Variants in NKAIN3 observed in about 807,000 individuals in gnomAD.
NKAIN3 encodes the protein sodium/potassium transporting ATPase interacting 3.
In NKAIN3, 25 loss-of-function variants were observed where a neutral mutation model predicts 30.2. The observed-to-expected ratio is 0.83, with a 90% CI of 0.60 to 1.16. NKAIN3 has a LOEUF of 1.16. NKAIN3 is among the 50% of genes most tolerant of loss of function. NKAIN3 has a pLI of 0.00. For synonymous variants in NKAIN3, 91 were observed against 89.6 expected (o/e 1.02, Z -0.09); for missense variants, 225 against 254.1 (o/e 0.89, Z 0.78).
intron 4 of NKAIN3, among the ~76,000 whole-genome samples, chr8:62,876,877 C>T (rs1188403545): frequency 8.6e-5 from 13 of 151,868 alleles, no homozygotes; most frequent in South Asian, 2.1e-4. Context: ...TCATGGCACA[C>T]GTATACCTAT....
At chr8:62,793,119 A>G (rs919637534) in intron 4 of NKAIN3, among the ~76,000 whole-genome samples, 2 of 152,000 alleles carry the variant, frequency 1.3e-5, no homozygotes, top group Admixed American at 6.6e-5. Flanking sequence ...AGAAGTGAGT[A>G]TGCCTAACCT....
chr8:62,658,012 A>C (rs1586057802), intron 3 of NKAIN3, among the ~76,000 whole-genome samples: 2 of 152,322 alleles, frequency 1.3e-5, no homozygotes, highest in South Asian at 4.1e-4. Flanking sequence ...TTATCTCAGC[A>C]GTCCATGTGC....
At chr8:62,760,779 A>T (rs10096340) in intron 4 of NKAIN3, among the ~76,000 whole-genome samples, 1,910 of 151,866 alleles carry the variant, frequency 0.013, 41 homozygotes, top group African/African-American at 0.044. Flanking sequence ...AGTATAATTT[A>T]AAAAAAGGCA....
At chr8:62,318,311 G>A (rs149817659) in intron 1 of NKAIN3, among the ~76,000 whole-genome samples, 10 of 150,954 alleles carry the variant, frequency 6.6e-5, no homozygotes, top group African/African-American at 1.9e-4. Flanking sequence ...CGTCCAGCAC[G>A]TCCCATGTTG....
intron 3 of NKAIN3, among the ~76,000 whole-genome samples, chr8:62,645,745 A>G (rs1007512427): frequency 2.0e-5 from 3 of 152,102 alleles, no homozygotes; most frequent in East Asian, 1.9e-4. Flanking sequence ...TTAAACATCT[A>G]TTGGGGCTTT....
intron 1 of NKAIN3, among the ~76,000 whole-genome samples, chr8:62,397,605 C>T (rs1259267798): frequency 2.0e-5 from 3 of 152,098 alleles, no homozygotes; most frequent in Non-Finnish European, 1.5e-5. Flanking sequence ...GTTCTCTATC[C>T]ACTAGATCAC....
chr8:62,919,543 C>A (rs1022454944), intron 5 of NKAIN3, among the ~76,000 whole-genome samples: 1 of 151,906 alleles, frequency 6.6e-6, no homozygotes, highest in Non-Finnish European at 1.5e-5. Flanking sequence ...CCATGCCCAG[C>A]CTACTTTCAA....
intron 1 of NKAIN3, among the ~76,000 whole-genome samples, chr8:62,456,518 TAA>T (rs5891857): frequency 2.2e-3 from 311 of 143,710 alleles, no homozygotes; most frequent in African/African-American, 5.6e-3. Flanking sequence ...GACTCCGTCT[TAA>T]AAAAAAAAAA....
intron 4 of NKAIN3, among the ~76,000 whole-genome samples, chr8:62,794,759 T>C (rs973866711): frequency 4.6e-5 from 7 of 152,170 alleles, no homozygotes; most frequent in African/African-American, 1.4e-4. Flanking sequence ...TATTCCAGCA[T>C]TGAAGTGTCT....
At chr8:62,592,158 A>G (rs1306339799) in intron 3 of NKAIN3, among the ~76,000 whole-genome samples, 1 of 152,014 alleles carries the variant, frequency 6.6e-6, no homozygotes, top group Non-Finnish European at 1.5e-5. Context: ...AATGACAGAC[A>G]TGGCCTATGA....
At chr8:62,446,468 TA>T (rs1805489582) in intron 1 of NKAIN3, among the ~76,000 whole-genome samples, 1 of 152,126 alleles carries the variant, frequency 6.6e-6, no homozygotes, top group Non-Finnish European at 1.5e-5. Flanking sequence ...AAAATATGCA[TA>T]ACCTACAATT....
At chr8:62,305,179 AT>A (rs371838043) in intron 1 of NKAIN3, among the ~76,000 whole-genome samples, 6,334 of 146,722 alleles carry the variant, frequency 0.043, 855 homozygotes, top group African/African-American at 0.15. Context: ...TACTTAAAGG[AT>A]TTTTTTTTTG....
intron 1 of NKAIN3, among the ~76,000 whole-genome samples, chr8:62,485,358 T>G (rs1389152126): frequency 1.3e-5 from 2 of 152,190 alleles, no homozygotes; most frequent in Non-Finnish European, 2.9e-5. Flanking sequence ...TTATTTTTAT[T>G]TGTTTTCACC....
intron 4 of NKAIN3, among the ~76,000 whole-genome samples, chr8:62,885,403 T>C (rs1198082530): frequency 6.6e-6 from 1 of 152,154 alleles, no homozygotes; most frequent in Non-Finnish European, 1.5e-5. Flanking sequence ...GGCCCAGAAT[T>C]TGTTCTTTCC....
chr8:62,592,006 T>G (rs1810668562), intron 3 of NKAIN3, among the ~76,000 whole-genome samples: 1 of 152,052 alleles, frequency 6.6e-6, no homozygotes, highest in South Asian at 2.1e-4. Context: ...CTTCTTGGAA[T>G]TATCCATTTG....
intron 1 of NKAIN3, among the ~76,000 whole-genome samples, chr8:62,388,453 TG>T (rs1223076038): frequency 3.3e-5 from 5 of 152,366 alleles, no homozygotes; most frequent in Admixed American, 3.3e-4. Flanking sequence ...TCTTGTTCAT[TG>T]CCTATTCAGG....
Position 62,983,202 on chromosome 8 carries a change from C to A in NKAIN3, c.*17795C>A, listed in dbSNP as rs1475963816. ...TGAAAACACCCCTGCTGAGTACCTA[C>A]TGTATGTGAGTCACTGTGCAGGCAC... On this transcript the variant is annotated 3_prime_UTR_variant, in exon 7 of 7. Transcript: ENST00000623646. 2 of 152,102 alleles carry A rather than the reference C, an allele frequency of 1.3e-5. No individual in the cohort carries two copies. The highest frequency in any genetic ancestry group is 2.9e-5 in the Non-Finnish European group (2 of 68,022). 9.4% of individuals were successfully genotyped at this position (152,102 alleles called of 1,614,324 possible).
At chr8:62,513,251 T>C (rs981311499) in intron 1 of NKAIN3, among the ~76,000 whole-genome samples, 2 of 151,442 alleles carry the variant, frequency 1.3e-5, no homozygotes, top group African/African-American at 4.9e-5. Context: ...CACACCTTTC[T>C]AGGAAAGAAA....
chr8:62,397,001 T>A (rs774256941), intron 1 of NKAIN3, among the ~76,000 whole-genome samples: 2 of 152,232 alleles, frequency 1.3e-5, no homozygotes, highest in African/African-American at 2.4e-5. Context: ...AGATGTAAAC[T>A]AAATATTATT....
Sources: allele counts gnomAD v4.1 joint callset (sites outside exome capture counted in the v4.1 genomes callset), GRCh38; gene constraint gnomAD v4.1.1; transcripts MANE v1.5; gene names NCBI Gene and HGNC (gene_info 2026-07-23, HGNC 2026-07-21).